ETNK1: variants seen among roughly 807,000 people sequenced by gnomAD.
ETNK1 encodes putative protein product of Nbla10396.
A neutral mutation model predicts 45.1 loss-of-function variants in ETNK1; 8 were observed. The observed-to-expected ratio is 0.18, with a 90% CI of 0.10 to 0.32. ETNK1 has a LOEUF of 0.32. Ranked by LOEUF, ETNK1 falls within the 10% of genes least tolerant of loss-of-function variation. The probability of loss-of-function intolerance (pLI) is 1.00; values close to 1 mark genes in which losing one functional copy is unlikely to be tolerated. For missense variants in ETNK1, 302 were observed against 430.6 expected, an observed-to-expected ratio of 0.70 and a Z score of 2.64; for synonymous variants, 152 against 151.9, an observed-to-expected ratio of 1.00 and a Z score of -0.01.
At chr12:22,650,596 T>C (rs1017922499) in intron 2 of ETNK1, among the ~76,000 whole-genome samples, 3 of 152,104 alleles carry the variant, frequency 2.0e-5, no homozygotes, top group Non-Finnish European at 4.4e-5. Context: ...TTTTCAAATA[T>C]TGAACCAGCC....
At chr12:22,674,780 C>G (rs1219924467) in intron 6 of ETNK1, among the ~76,000 whole-genome samples, 3 of 152,164 alleles carry the variant, frequency 2.0e-5, no homozygotes, top group Non-Finnish European at 2.9e-5. Flanking sequence ...ATTTGGATTT[C>G]CTTGCAAACT....
At chr12:22,679,526 A>C (rs1479930335) in intron 6 of ETNK1, among the ~76,000 whole-genome samples, 2 of 152,142 alleles carry the variant, frequency 1.3e-5, no homozygotes, top group Non-Finnish European at 2.9e-5. Flanking sequence ...AGACACACCC[A>C]GAAACAATAC....
intron 4 of ETNK1, among the ~76,000 whole-genome samples, chr12:22,662,456 G>GT (rs923887968): frequency 2.0e-5 from 3 of 147,922 alleles, no homozygotes; most frequent in Non-Finnish European, 4.5e-5. Flanking sequence ...ATGCAGTGGT[G>GT]TAATCATGGC....
At chr12:22,650,886 A>G (rs556397684) in intron 2 of ETNK1, among the ~76,000 whole-genome samples, 25 of 152,306 alleles carry the variant, frequency 1.6e-4, no homozygotes, top group Admixed American at 5.2e-4. Flanking sequence ...TGATTTGTTT[A>G]TAGTTGTTCT....
At chr12:22,672,939 A>T (rs938311143) in intron 5 of ETNK1, among the ~76,000 whole-genome samples, 1 of 152,176 alleles carries the variant, frequency 6.6e-6, no homozygotes, top group African/African-American at 2.4e-5. Flanking sequence ...ACAAAATCTC[A>T]GAGTTGGAAA....
chr12:22,689,990 A>G lies in ETNK1; in HGVS notation c.*5036A>G, dbSNP rs974238152. ...TTTAAAATATACTGTTATTAAAAGG[A>G]AAAAGACATGGCCATTATTCCATGT... On this transcript the variant is annotated 3_prime_UTR_variant, in exon 8 of 8. Transcript: ENST00000266517. 2 of 152,504 alleles carry G rather than the reference A, an allele frequency of 1.3e-5. No homozygotes were observed. The highest frequency in any genetic ancestry group is 2.9e-5 in the Non-Finnish European group (2 of 67,928). 9.4% of individuals were successfully genotyped at this position (152,504 alleles called of 1,614,324 possible). A position where few individuals can be genotyped will look rare whatever the true frequency, so the allele number is the denominator to read the frequency against.
At chr12:22,666,147 G>A (rs1954052143) in intron 4 of ETNK1, among the ~76,000 whole-genome samples, 2 of 152,122 alleles carry the variant, frequency 1.3e-5, no homozygotes, top group African/African-American at 4.8e-5. Flanking sequence ...TGGGAGAAGA[G>A]TGAGCTTCCT....
At chr12:22,665,096 C>T (rs900561023) in intron 4 of ETNK1, among the ~76,000 whole-genome samples, 5 of 152,044 alleles carry the variant, frequency 3.3e-5, no homozygotes, top group Admixed American at 3.3e-4. Context: ...CAAGAGAAGT[C>T]AGAAAGAGTA....
At chr12:22,670,389 TTCTC>T (rs1173143390) in intron 4 of ETNK1, among the ~76,000 whole-genome samples, 4 of 152,000 alleles carry the variant, frequency 2.6e-5, no homozygotes, top group Non-Finnish European at 4.4e-5. Context: ...TTTTTAAGGT[TTCTC>T]TCTCTCTTTT....
At chr12:22,665,952 T>G (rs1954049319) in intron 4 of ETNK1, among the ~76,000 whole-genome samples, 1 of 152,064 alleles carries the variant, frequency 6.6e-6, no homozygotes, top group Non-Finnish European at 1.5e-5. Flanking sequence ...GAATTACAAA[T>G]GTGTGTATAT....
rs1388485359 is a variant in ETNK1 at position 22,685,196 on chromosome 12, T to A, written c.*242T>A. On this transcript the variant is annotated 3_prime_UTR_variant, in exon 8 of 8. Transcript: ENST00000266517. ...GTTAAATCTGCAAAAGGTATAAAGATGTCAGTTTAATTTCTTTGATAATTT... is the reference window on the plus strand; with the variant it reads ...GTTAAATCTGCAAAAGGTATAAAGAAGTCAGTTTAATTTCTTTGATAATTT... The A allele has an allele frequency of 5.8e-6, 2 of 343,072 alleles. No individual in the cohort carries two copies. Among genetic ancestry groups the A allele is most frequent in the Non-Finnish European group, 1.1e-5 (2 of 188,942 alleles). 21.3% of individuals were successfully genotyped at this position (343,072 alleles called of 1,614,324 possible).
intron 4 of ETNK1, among the ~76,000 whole-genome samples, chr12:22,667,138 C>A (rs992372172): frequency 6.6e-6 from 1 of 151,800 alleles, no homozygotes; most frequent in African/African-American, 2.4e-5. Context: ...ACTGTAAAAA[C>A]CTGAAGTTAT....
chr12:22,660,999 T>C, intron 3 of ETNK1, 64 bp from the exon 4 acceptor site: 1 of 1,418,202 alleles, frequency 7.1e-7, no homozygotes, highest in Non-Finnish European at 9.7e-7. Flanking sequence ...AAATAGATTT[T>C]AATCCTTAAT....
intron 2 of ETNK1, among the ~76,000 whole-genome samples, chr12:22,648,208 T>C (rs1953831161): frequency 2.0e-5 from 3 of 151,942 alleles, no homozygotes; most frequent in African/African-American, 7.2e-5. Flanking sequence ...AAACCTATAT[T>C]GATGCACCAT....
chr12:22,660,991 A>G (rs1953993473), intron 3 of ETNK1, 72 bp from the exon 4 acceptor site: 1 of 1,344,756 alleles, frequency 7.4e-7, no homozygotes, highest in Non-Finnish European at 1.0e-6. Flanking sequence ...TTTATTCAAA[A>G]TAGATTTTAA....
chr12:22,652,825 T>C lies in ETNK1; in HGVS notation c.417-6189T>C, dbSNP rs55899017. On this transcript the variant is annotated intron_variant, in intron 2 of 7. Coordinates refer to ENST00000266517, the MANE Select transcript of ETNK1 (RefSeq NM_018638.5). The stretch of plus-strand genomic sequence containing the variant: ...TCTGTTGATTGTGTCCTTTGGTGCG[T>C]AGTTTTTAATTTTGATGCGGTAGAG... 2.9e-3 allele frequency among the ~76,000 whole-genome samples: 436 copies of C among 152,298 alleles called. 2 individuals carry two copies. Among genetic ancestry groups the C allele is most frequent in the African/African-American group, 0.01 (427 of 41,576 alleles).
At chr12:22,640,552 A>T (rs887686842) in intron 1 of ETNK1, among the ~76,000 whole-genome samples, 1 of 152,090 alleles carries the variant, frequency 6.6e-6, no homozygotes, top group Non-Finnish European at 1.5e-5. Flanking sequence ...ATTATTTTAT[A>T]ATTTCATCAT....
chr12:22,670,927 T>G (rs1318813084), intron 4 of ETNK1, among the ~76,000 whole-genome samples: 1 of 152,248 alleles, frequency 6.6e-6, no homozygotes, highest in Non-Finnish European at 1.5e-5. Context: ...ATAAAAATTA[T>G]GTTTCTAATT....
At position 22,684,487 on chromosome 12, in the gene ETNK1, C is replaced by G; in HGVS notation, c.950C>G (p.Ser317Cys). 1 of 1,606,870 alleles carries G rather than the reference C, an allele frequency of 6.2e-7. No homozygotes were observed. Among genetic ancestry groups the G allele is most frequent in the Non-Finnish European group, 8.5e-7 (1 of 1,176,566 alleles). ...TTTTTCTTTCCTTCTTTTAAGGCTTCTCATTTCTTTTGGGGATTGTGGGCT... is the reference window on the plus strand; with the variant it reads ...TTTTTCTTTCCTTCTTTTAAGGCTTGTCATTTCTTTTGGGGATTGTGGGCT... The part of the protein sequence containing the change: ...FIQVNQFALA[S>C]HFFWGLWALI... Residue 317 changes from serine to cysteine, a missense_variant, in exon 7 of 8, where the codon TCT becomes TGT. Coordinates refer to ENST00000266517, the MANE Select transcript of ETNK1 (RefSeq NM_018638.5).
Sources: gnomAD v4.1 joint callset for allele counts (sites outside exome capture counted in the v4.1 genomes callset) on GRCh38, gnomAD v4.1.1 for gene constraint, MANE v1.5 for transcripts, NCBI Gene and HGNC (gene_info 2026-07-23, HGNC 2026-07-21) for gene names.